Variants in ANKAR observed in about 807,000 individuals in gnomAD.
The protein encoded by ANKAR is ankyrin and armadillo repeat-containing protein.
In ANKAR, 136 loss-of-function variants were observed where a neutral mutation model predicts 146.2. The ratio of observed to expected loss-of-function variants is 0.93; its 90% confidence interval spans 0.81 to 1.07. The LOEUF is 1.07. ANKAR is among the 50% of genes least tolerant of loss of function. The pLI is 0.00. For missense variants in ANKAR, 1,567 were observed against 1,679.9 expected, an observed-to-expected ratio of 0.93 and a Z score of 1.18; for synonymous variants, 500 against 575.8, an observed-to-expected ratio of 0.87 and a Z score of 1.88.
At chr2:189,679,585 T>C (rs1326078955) in intron 2 of ANKAR, among the ~76,000 whole-genome samples, 1 of 152,232 alleles carries the variant, frequency 6.6e-6, no homozygotes, top group Non-Finnish European at 1.5e-5. Context: ...TTCAGTATAA[T>C]GTTGGCTGTG....
chr2:189,684,191 G>A (rs544549289), intron 2 of ANKAR, among the ~76,000 whole-genome samples: 20 of 152,174 alleles, frequency 1.3e-4, no homozygotes, highest in East Asian at 7.7e-4. Context: ...TATCACAAGC[G>A]AGTAATGTGA....
At chr2:189,718,860 C>T (rs2040889433) in intron 10 of ANKAR, among the ~76,000 whole-genome samples, 1 of 151,472 alleles carries the variant, frequency 6.6e-6, no homozygotes, top group African/African-American at 2.4e-5. Flanking sequence ...CGCCATTCTC[C>T]TGCCTCAGCC....
intron 15 of ANKAR, among the ~76,000 whole-genome samples, chr2:189,730,166 A>G (rs990533618): frequency 1.3e-5 from 2 of 152,192 alleles, no homozygotes; most frequent in Admixed American, 1.3e-4. Flanking sequence ...AAACAACAGA[A>G]TTATGAACTT....
chr2:189,750,095 C>A (rs886292267), downstream of ANKAR, among the ~76,000 whole-genome samples: 23 of 152,232 alleles, frequency 1.5e-4, no homozygotes, highest in Admixed American at 5.2e-4. Flanking sequence ...CCACTGCAAT[C>A]CAGCCTGGGT....
chr2:189,726,361 G>A (rs912700727), intron 12 of ANKAR, among the ~76,000 whole-genome samples: 4 of 152,018 alleles, frequency 2.6e-5, no homozygotes, highest in African/African-American at 9.7e-5. Context: ...TGCCCGGGCT[G>A]ATCTTGAACC....
rs879643143 is a variant in ANKAR, at chr2:189,739,568, GT to G, written c.3700+900del. On this transcript the variant is annotated intron_variant, in intron 19 of 22. Coordinates refer to ENST00000684021, the MANE Select transcript of ANKAR (RefSeq NM_001378068.1). ...AACTGTAGTGGGTTTAGACTCCACA[GT>G]TTTTTTTTTTTTTGAGATGGAGTCT... is the stretch of plus-strand genomic sequence containing the variant. Among the ~76,000 whole-genome samples the G allele has an allele frequency of 1.7e-3, 238 of 143,976 alleles. 1 individual carries two copies. Among genetic ancestry groups the G allele is most frequent in the African/African-American group, 4.0e-3 (157 of 39,542 alleles). 94.5% of individuals were successfully genotyped at this position (143,976 alleles called of 152,430 possible).
Position 189,711,046 on chromosome 2 carries a change from C to G in ANKAR, c.2120-3C>G, listed in dbSNP as rs1269787944. 40 of 1,608,872 alleles carry G rather than the reference C, an allele frequency of 2.5e-5. No homozygotes were observed. Among genetic ancestry groups the G allele is most frequent in the Non-Finnish European group, 3.2e-5 (38 of 1,177,558 alleles). On this transcript the variant is annotated splice_region_variant and splice_polypyrimidine_tract_variant and intron_variant, in intron 9 of 22. Coordinates refer to ENST00000684021, the MANE Select transcript of ANKAR (RefSeq NM_001378068.1). ...CTGTGTTTTTCTGTTGAACACTTAA[C>G]AGAAATGTTACAGTGTGAAAGCTAT...
At chr2:189,707,279 A>ATTTCTGGTC in intron 9 of ANKAR, 133 bp downstream of exon 9, 1 of 444,840 alleles carries the variant, frequency 2.2e-6, no homozygotes, top group Non-Finnish European at 3.8e-6. Flanking sequence ...TAAACATTTT[A>ATTTCTGGTC]TTAAGACCAG....
At chr2:189,752,900 A>C in intron 18 of ANKAR, 1 of 1,613,958 alleles carries the variant, frequency 6.2e-7, no homozygotes. Context: ...AGGACACAAC[A>C]AAGTGCACTG....
At chr2:189,752,998 C>T in intron 18 of ANKAR, 1 of 1,591,700 alleles carries the variant, frequency 6.3e-7, no homozygotes, top group African/African-American at 1.3e-5. Flanking sequence ...ATTGAGAAAA[C>T]CAAAATAACT....
At chr2:189,717,190 A>G (rs2040575524) in intron 10 of ANKAR, among the ~76,000 whole-genome samples, 1 of 152,220 alleles carries the variant, frequency 6.6e-6, no homozygotes, top group African/African-American at 2.4e-5. Flanking sequence ...CAATCTACCC[A>G]TCTGACAAAG....
chr2:189,735,707 GTGT>G (rs1313482678), intron 17 of ANKAR, among the ~76,000 whole-genome samples: 10 of 152,292 alleles, frequency 6.6e-5, no homozygotes, highest in African/African-American at 2.4e-4. Flanking sequence ...AATAGGTTAT[GTGT>G]TGTTTTTAAA....
intron 7 of ANKAR, among the ~76,000 whole-genome samples, chr2:189,699,640 C>G (rs561008920): frequency 3.9e-5 from 6 of 152,146 alleles, no homozygotes; most frequent in African/African-American, 1.4e-4. Context: ...TATATTCAAA[C>G]CCTTTGTTGA....
chr2:189,675,472 G>A (rs573830142), intron 1 of ANKAR, among the ~76,000 whole-genome samples: 57 of 151,694 alleles, frequency 3.8e-4, no homozygotes, highest in African/African-American at 1.4e-3. Flanking sequence ...CTCAAGCCCC[G>A]CGAGTAGCTG....
At chr2:189,729,651 T>C (rs1019003141) in intron 15 of ANKAR, among the ~76,000 whole-genome samples, 4 of 130,614 alleles carry the variant, frequency 3.1e-5, no homozygotes, top group African/African-American at 1.0e-4. Context: ...CATAATCAAA[T>C]TTCTTCGCAT....
chr2:189,709,467 T>G (rs1379423769), intron 9 of ANKAR, among the ~76,000 whole-genome samples: 1 of 152,204 alleles, frequency 6.6e-6, no homozygotes, highest in East Asian at 1.9e-4. Flanking sequence ...CAGGAACCAC[T>G]AGGTTTTGTT....
intron 15 of ANKAR, among the ~76,000 whole-genome samples, chr2:189,729,457 A>C (rs1241881561): frequency 6.6e-6 from 1 of 152,204 alleles, no homozygotes; most frequent in Non-Finnish European, 1.5e-5. Flanking sequence ...ATTGATTCTC[A>C]CATTTTTTTC....
chr2:189,693,686 A>G (rs1029927503), intron 5 of ANKAR, among the ~76,000 whole-genome samples: 2 of 152,130 alleles, frequency 1.3e-5, no homozygotes, highest in Non-Finnish European at 2.9e-5. Flanking sequence ...CTGAGGTGGG[A>G]GGATTGCTTG....
intron 15 of ANKAR, among the ~76,000 whole-genome samples, chr2:189,729,644 A>C (rs985886193): frequency 2.1e-5 from 3 of 145,224 alleles, no homozygotes; most frequent in African/African-American, 7.5e-5. Context: ...ACATGCACAT[A>C]ATCAAATTTC....
Sources: gnomAD v4.1 joint callset for allele counts (sites outside exome capture counted in the v4.1 genomes callset) on GRCh38, gnomAD v4.1.1 for gene constraint, MANE v1.5 for transcripts, NCBI Gene and HGNC (gene_info 2026-07-23, HGNC 2026-07-21) for gene names.